AACS: variants seen among roughly 807,000 people sequenced by gnomAD.
AACS encodes the protein acetoacetate-CoA ligase.
Under a neutral mutation model 83.1 loss-of-function variants are expected in AACS, and 69 were observed. The observed-to-expected ratio is 0.83, with a 90% CI of 0.68 to 1.01. AACS has a LOEUF of 1.01. Among genes scored for constraint, AACS ranks in the 50% least tolerant of loss-of-function variants. AACS has a pLI of 0.00. For missense variants in AACS, 866 were observed against 882.2 expected (o/e 0.98, Z 0.23); for synonymous variants, 333 against 343.4 (o/e 0.97, Z 0.33).
rs566371067 is a variant in AACS at position 125,097,404 on chromosome 12, C to T, written c.571-5275C>T. On this transcript the variant is annotated intron_variant, in intron 5 of 17. Transcript: ENST00000316519. This position sits in a 1 kb window ranked among gnomAD's most constrained non-coding sequence, Gnocchi z 4.3. ...TGTATGTCCCATGCACTTTTTTAAA[C>T]TGATGCTGAAGTTGGCCAATGTTTT... Among the ~76,000 whole-genome samples, 1 of 148,886 alleles carries T rather than the reference C, an allele frequency of 6.7e-6. No homozygotes were observed. Among genetic ancestry groups the T allele is most frequent in the East Asian group, 2.0e-4 (1 of 5,076 alleles).
At chr12:125,136,990 C>T (rs954981489) in intron 17 of AACS, 126 bp downstream of exon 17, 30 of 910,038 alleles carry the variant, frequency 3.3e-5, no homozygotes, top group South Asian at 6.6e-5. Context: ...TGCCTAGCAA[C>T]GCCATCCTCT....
Position 125,128,198 on chromosome 12 carries a change from T to G in AACS, c.1347T>G (p.Asn449Lys). ...TCATCTCCTGCTTCATGGGCCACAA[T>G]TTTTCTCTTCCTGTGTATAAAGGGG... ...TDIISCFMGH[N>K]FSLPVYKGEI... Residue 449 changes from asparagine (N) to lysine (K), a missense_variant, in exon 13 of 18, where the codon AAT becomes AAG. Transcript: ENST00000316519. 1 of 1,612,566 alleles carries G rather than the reference T, an allele frequency of 6.2e-7. No individual in the cohort carries two copies.
intron 9 of AACS, 82 bp from the exon 10 acceptor site, chr12:125,118,559 C>T: frequency 1.3e-6 from 2 of 1,568,018 alleles, no homozygotes; most frequent in Non-Finnish European, 8.7e-7. Context: ...GGTGGTTTCC[C>T]AGGGACACAG....
chr12:125,128,075 G>T, intron 12 of AACS, 86 bp from the exon 13 acceptor site: 2 of 951,600 alleles, frequency 2.1e-6, no homozygotes, highest in South Asian at 1.8e-5. Flanking sequence ...TTGTCCTCTT[G>T]GCACCTTCTC....
At chr12:125,096,656 T>A (rs925160040) in intron 5 of AACS, among the ~76,000 whole-genome samples, 1 of 152,106 alleles carries the variant, frequency 6.6e-6, no homozygotes, top group Non-Finnish European at 1.5e-5. Context: ...TGTGTTACCT[T>A]GATATTTGCA....
At chr12:125,109,461 T>G (rs1956903997) in intron 8 of AACS, among the ~76,000 whole-genome samples, 1 of 152,244 alleles carries the variant, frequency 6.6e-6, no homozygotes, top group Non-Finnish European at 1.5e-5. Context: ...TTCGCCTTCT[T>G]TCTCTCTCAG....
intron 3 of AACS, among the ~76,000 whole-genome samples, chr12:125,085,818 T>C (rs771871854): frequency 5.3e-5 from 8 of 152,138 alleles, no homozygotes; most frequent in South Asian, 4.1e-4. Flanking sequence ...GAAAATCTTA[T>C]TTATTTATTT....
At chr12:125,086,923 A>G (rs1956352179) in intron 4 of AACS, among the ~76,000 whole-genome samples, 1 of 152,020 alleles carries the variant, frequency 6.6e-6, no homozygotes, top group Non-Finnish European at 1.5e-5. Context: ...AGGAAAGGGC[A>G]GTCTGGGCAG....
intron 14 of AACS, among the ~76,000 whole-genome samples, chr12:125,132,254 C>CA (rs1298542594): frequency 2.6e-5 from 4 of 152,148 alleles, no homozygotes; most frequent in African/African-American, 9.7e-5. Context: ...GAAGTTTTCA[C>CA]AAAAAACATT....
chr12:125,108,312 C>T (rs1956877499), intron 8 of AACS, among the ~76,000 whole-genome samples: 1 of 152,214 alleles, frequency 6.6e-6, no homozygotes, highest in Non-Finnish European at 1.5e-5. Flanking sequence ...GGCTTGTGGA[C>T]GGCCGCCTTC....
chr12:125,138,979 C>T (rs2136144901), intron 17 of AACS: 1 of 152,206 alleles, frequency 6.6e-6, no homozygotes, highest in East Asian at 1.9e-4. Context: ...CTTGCTGAGG[C>T]AGGAGAGCCT....
At position 125,143,237 on chromosome 12, in the gene AACS, T is replaced by C. The variant is rs1183180954; in HGVS notation, c.*1008T>C. The C allele has an allele frequency of 6.6e-6, 1 of 152,250 alleles. No individual in the cohort carries two copies. Among genetic ancestry groups the C allele is most frequent in the Non-Finnish European group, 1.5e-5 (1 of 68,042 alleles). The allele number at this position is 152,250 out of a possible 1,614,324, so 9.4% of individuals were successfully genotyped here. ...CAATGAAATCCTTTCTTGAATCATT[T>C]TCCTTTTGGATTATAAAAATATGGG... On this transcript the variant is annotated 3_prime_UTR_variant, in exon 18 of 18. Transcript: ENST00000316519.
At chr12:125,138,275 T>C (rs1030769653) in intron 17 of AACS, 1 of 152,254 alleles carries the variant, frequency 6.6e-6, no homozygotes, top group Non-Finnish European at 1.5e-5. Context: ...TCCTTTGTGT[T>C]CTGGTTCTGC....
intron 7 of AACS, among the ~76,000 whole-genome samples, chr12:125,103,517 GTGCACA>G (rs1213426700): frequency 3.3e-5 from 5 of 151,034 alleles, no homozygotes; most frequent in African/African-American, 7.2e-5. Context: ...ACGTGCACAG[GTGCACA>G]TGCATGTGTA....
intron 17 of AACS, chr12:125,139,816 C>G (rs1284411532): frequency 1.3e-5 from 2 of 152,384 alleles, no homozygotes; most frequent in East Asian, 1.9e-4. Flanking sequence ...AGGACAGGAA[C>G]CTTGTGGGTC....
intron 1 of AACS, among the ~76,000 whole-genome samples, chr12:125,067,259 C>T (rs1332768125): frequency 6.6e-6 from 1 of 152,160 alleles, no homozygotes; most frequent in African/African-American, 2.4e-5. Flanking sequence ...GCCCCAGGGG[C>T]TTCTGGACAG....
At position 125,090,175 on chromosome 12, in the gene AACS, T is replaced by C. The variant is rs76086054; in HGVS notation, c.473-1251T>C. ...TCCATCTATCCATCCATCCTGTCTA[T>C]ACATTCTTCTCTCCATCTACCCATT... On this transcript the variant is annotated intron_variant, in intron 4 of 17. Coordinates refer to ENST00000316519, the MANE Select transcript of AACS (RefSeq NM_023928.5). Among the ~76,000 whole-genome samples, 55 of 10,666 alleles carry C rather than the reference T, an allele frequency of 5.2e-3. 9 individuals are homozygous for C. The highest frequency in any genetic ancestry group is 0.011 in the South Asian group (4 of 376). 7.0% of individuals were successfully genotyped at this position (10,666 alleles called of 152,430 possible). A position where few individuals can be genotyped will look rare whatever the true frequency, so the allele number is the denominator to read the frequency against.
At chr12:125,093,665 C>T (rs1017885854) in intron 5 of AACS, among the ~76,000 whole-genome samples, 7 of 152,226 alleles carry the variant, frequency 4.6e-5, no homozygotes, top group Admixed American at 1.3e-4. Flanking sequence ...CCATGGCTCC[C>T]GCAGCTTCTG....
chr12:125,119,572 C>T (rs187464187), intron 10 of AACS, among the ~76,000 whole-genome samples: 250 of 152,270 alleles, frequency 1.6e-3, no homozygotes, highest in African/African-American at 5.7e-3. Context: ...GGCAAGAGAG[C>T]GTGTGCAGGA....
Sources: allele counts gnomAD v4.1 joint callset (sites outside exome capture counted in the v4.1 genomes callset), GRCh38; gene constraint gnomAD v4.1.1; non-coding constraint Gnocchi (gnomAD v3.1); transcripts MANE v1.5; gene names NCBI Gene and HGNC (gene_info 2026-07-23, HGNC 2026-07-21).